CSMD1: variants seen among roughly 807,000 people sequenced by gnomAD.
CSMD1 encodes the protein CUB and sushi domain-containing protein 1.
A neutral mutation model predicts 417.5 loss-of-function variants in CSMD1; 213 were observed. The ratio of observed to expected loss-of-function variants is 0.51; its 90% CI spans 0.46 to 0.57. CSMD1 has a LOEUF of 0.57. Ranked by LOEUF, CSMD1 falls within the 20% of genes least tolerant of loss-of-function variation. The pLI is 0.00. For synonymous variants in CSMD1, 2,862 were observed against 1,736.8 expected (o/e 1.65, Z -16.11); for missense variants, 6,923 against 4,529.7 (o/e 1.53, Z -15.17).
At chr8:2,989,845 G>T (rs184500432) in intron 54 of CSMD1, among the ~76,000 whole-genome samples, 2 of 152,146 alleles carry the variant, frequency 1.3e-5, no homozygotes, top group African/African-American at 4.8e-5. Context: ...CAGATGCCAC[G>T]GCAGATTGGG....
chr8:3,293,320 C>A (rs948970130), intron 25 of CSMD1, among the ~76,000 whole-genome samples: 1 of 152,020 alleles, frequency 6.6e-6, no homozygotes, highest in Non-Finnish European at 1.5e-5. Flanking sequence ...TTGCTCTTCT[C>A]GAGGAGTATC....
intron 6 of CSMD1, among the ~76,000 whole-genome samples, chr8:3,739,017 C>G (rs549919042): frequency 2.0e-5 from 3 of 152,262 alleles, no homozygotes; most frequent in Admixed American, 1.3e-4. Context: ...TATATTGTAA[C>G]TATGTCTTTC....
Position 3,726,560 on chromosome 8 carries a change from A to T in CSMD1, c.932-18069T>A, listed in dbSNP as rs2623750. On this transcript the variant is annotated intron_variant, in intron 6 of 69. Transcript: ENST00000635120. ...TTGGGTCCAGTGTTTTTGAATCTTCATGTTTTCAGGAGAAGCAGGAAATCT... is the reference window on the plus strand; with the variant it reads ...TTGGGTCCAGTGTTTTTGAATCTTCTTGTTTTCAGGAGAAGCAGGAAATCT... Among the ~76,000 whole-genome samples, 660 of 152,272 alleles carry T rather than the reference A, an allele frequency of 4.3e-3. 12 individuals are homozygous for T. The East Asian group carries it at 0.069, about 16-fold the overall frequency.
intron 1 of CSMD1, among the ~76,000 whole-genome samples, chr8:4,729,552 G>A (rs1809712003): frequency 6.6e-6 from 1 of 152,168 alleles, no homozygotes; most frequent in Admixed American, 6.5e-5. Context: ...TGAGAATGAT[G>A]CATTAGGCAA....
At chr8:3,840,176 C>T (rs1803029730) in intron 5 of CSMD1, among the ~76,000 whole-genome samples, 1 of 152,060 alleles carries the variant, frequency 6.6e-6, no homozygotes, top group African/African-American at 2.4e-5. Flanking sequence ...CCTAAGCTAT[C>T]AAAGGGCCTT....
chr8:3,921,598 T>C (rs2627397), intron 5 of CSMD1, among the ~76,000 whole-genome samples: 4,351 of 152,206 alleles, frequency 0.029, 209 homozygotes, highest in African/African-American at 0.1. Context: ...TCCATTTTCA[T>C]TTATTTCCAT....
intron 3 of CSMD1, among the ~76,000 whole-genome samples, chr8:4,216,891 T>G (rs73658490): frequency 1.5e-4 from 23 of 152,300 alleles, no homozygotes; most frequent in South Asian, 6.2e-4. Context: ...CTTCTTTTCT[T>G]GCCCAGTTTT....
intron 3 of CSMD1, among the ~76,000 whole-genome samples, chr8:4,114,677 G>A (rs902776973): frequency 6.6e-6 from 1 of 152,182 alleles, no homozygotes; most frequent in Non-Finnish European, 1.5e-5. Context: ...GAAAAATTGT[G>A]CTTCATGGGA....
intron 49 of CSMD1, among the ~76,000 whole-genome samples, chr8:3,065,029 G>C (rs1346947319): frequency 1.3e-5 from 2 of 152,104 alleles, no homozygotes; most frequent in African/African-American, 4.8e-5. Flanking sequence ...TCTCCAGTGG[G>C]TCAGGCTAAC....
rs184978671 is a variant in CSMD1 at position 3,388,669 on chromosome 8, T to C, written c.2594-987A>G. Among the ~76,000 whole-genome samples the C allele has an allele frequency of 2.6e-3, 389 of 152,340 alleles. 1 individual carries two copies. Among genetic ancestry groups the C allele is most frequent in the Non-Finnish European group, 5.0e-3 (338 of 68,030 alleles). ...TGGGCCTGGCCCCAATACTTTTTTCTTAAACTGTTTTTCTAACAAATTTTC... is the reference window on the plus strand; with the variant it reads ...TGGGCCTGGCCCCAATACTTTTTTCCTAAACTGTTTTTCTAACAAATTTTC... On this transcript the variant is annotated intron_variant, in intron 17 of 69. Transcript: ENST00000635120.
intron 32 of CSMD1, among the ~76,000 whole-genome samples, chr8:3,200,196 A>C (rs964590566): frequency 1.3e-5 from 2 of 152,114 alleles, no homozygotes; most frequent in Non-Finnish European, 2.9e-5. Context: ...AACTGAATCC[A>C]AAGATGATTT....
intron 25 of CSMD1, among the ~76,000 whole-genome samples, chr8:3,302,486 C>T (rs1804495612): frequency 6.6e-6 from 1 of 152,166 alleles, no homozygotes; most frequent in African/African-American, 2.4e-5. Flanking sequence ...AGTTTCACTT[C>T]CCATGATATC....
At chr8:4,704,101 G>A (rs910166905) in intron 1 of CSMD1, among the ~76,000 whole-genome samples, 1 of 152,176 alleles carries the variant, frequency 6.6e-6, no homozygotes, top group South Asian at 2.1e-4. Flanking sequence ...ACAGGCCAAC[G>A]TCTGATACAG....
At chr8:3,865,027 T>C (rs1271502004) in intron 5 of CSMD1, among the ~76,000 whole-genome samples, 2 of 152,214 alleles carry the variant, frequency 1.3e-5, no homozygotes, top group Non-Finnish European at 2.9e-5. Flanking sequence ...TCTCCTAATT[T>C]GTCAAGTAAG....
intron 1 of CSMD1, among the ~76,000 whole-genome samples, chr8:4,936,087 A>T (rs1807601231): frequency 6.6e-6 from 1 of 152,234 alleles, no homozygotes; most frequent in South Asian, 2.1e-4. Flanking sequence ...CATCATAGGC[A>T]AGGAGTGGAG....
intron 3 of CSMD1, among the ~76,000 whole-genome samples, chr8:4,220,403 A>C (rs1270112090): frequency 6.6e-6 from 1 of 152,200 alleles, no homozygotes; most frequent in African/African-American, 2.4e-5. Flanking sequence ...GACAACGGTT[A>C]GTGTTTAGCA....
chr8:3,544,466 C>T (rs11991634), intron 10 of CSMD1, among the ~76,000 whole-genome samples: 64,526 of 151,836 alleles, frequency 0.42, 13,906 homozygotes, highest in East Asian at 0.52. Context: ...TTACTCTGTC[C>T]ATGGAGTAGC....
At chr8:3,488,353 C>T (rs1818177797) in intron 11 of CSMD1, among the ~76,000 whole-genome samples, 1 of 152,090 alleles carries the variant, frequency 6.6e-6, no homozygotes, top group Non-Finnish European at 1.5e-5. Flanking sequence ...AGTATTTCTC[C>T]CTCCTCGGCT....
rs144280645 is a variant in CSMD1 at position 4,788,724 on chromosome 8, G to T, written c.86-151166C>A. On this transcript the variant is annotated intron_variant, in intron 1 of 69. Transcript: ENST00000635120. Reference sequence around the variant, plus strand: ...GTATTAGTGAATCAATGCTTCTCTAGATCCATACTAATAAACATGAAAACC... The same window carrying T: ...GTATTAGTGAATCAATGCTTCTCTATATCCATACTAATAAACATGAAAACC... 2.4e-3 allele frequency: 1,080 copies of T among 451,140 alleles called. 17 individuals carry two copies. Among genetic ancestry groups the T allele is most frequent in the African/African-American group, 0.02 (1,004 of 50,092 alleles). 27.9% of individuals were successfully genotyped at this position (451,140 alleles called of 1,614,324 possible). A position where few individuals can be genotyped will look rare whatever the true frequency, so the allele number is the denominator to read the frequency against.
Sources: allele counts gnomAD v4.1 joint callset (sites outside exome capture counted in the v4.1 genomes callset), GRCh38; gene constraint gnomAD v4.1.1; transcripts MANE v1.5; gene names NCBI Gene and HGNC (gene_info 2026-07-23, HGNC 2026-07-21).